The following EPB41L3 variants were observed in gnomAD, a reference collection of about 807,000 sequenced individuals.
EPB41L3 encodes the protein erythrocyte membrane protein band 4.1 like 3.
A neutral mutation model predicts 127.1 loss-of-function variants in EPB41L3; 57 were observed. That is an observed-to-expected ratio of 0.45 (90% CI 0.36 to 0.56). The LOEUF is 0.56. Ranked by LOEUF, EPB41L3 falls within the 20% of genes least tolerant of loss-of-function variation. The pLI, the probability that EPB41L3 is intolerant of heterozygous loss-of-function variation, is 0.00. For missense variants in EPB41L3, 1,273 were observed against 1,372.2 expected, an observed-to-expected ratio of 0.93 and a Z score of 1.14; for synonymous variants, 572 against 549.5, an observed-to-expected ratio of 1.04 and a Z score of -0.57.
At chr18:5,403,343 A>C (rs1221031413) in intron 16 of EPB41L3, among the ~76,000 whole-genome samples, 1 of 152,170 alleles carries the variant, frequency 6.6e-6, no homozygotes, top group African/African-American at 2.4e-5. Context: ...ATCGGCAATC[A>C]AATTTTCCAT....
chr18:5,472,690 C>A (rs1219367602), intron 3 of EPB41L3, among the ~76,000 whole-genome samples: 1 of 152,040 alleles, frequency 6.6e-6, no homozygotes, highest in Non-Finnish European at 1.5e-5. Flanking sequence ...TGGTCAAGCA[C>A]TTCTAAAGGG....
chr18:5,544,179 TCAGGA>T (rs754677099), upstream of EPB41L3: 206 of 985,420 alleles, frequency 2.1e-4, no homozygotes, highest in Non-Finnish European at 2.3e-4. Context: ...CCGCAGTACT[TCAGGA>T]CAGTTACATG....
intron 3 of EPB41L3, among the ~76,000 whole-genome samples, chr18:5,584,496 T>C (rs1045192184): frequency 9.2e-5 from 14 of 152,188 alleles, no homozygotes; most frequent in Non-Finnish European, 2.1e-4. Flanking sequence ...ACTTAAGTTT[T>C]CCCAACCTTT....
intron 1 of EPB41L3, among the ~76,000 whole-genome samples, chr18:5,499,829 G>GTGTGTGTA (rs563662904): frequency 1.6e-5 from 2 of 124,664 alleles, no homozygotes; most frequent in Non-Finnish European, 3.5e-5. Context: ...CTATGTGTGT[G>GTGTGTGTA]TATATATATA....
In EPB41L3 at chr18:5,489,143, T is replaced by C; in HGVS notation, c.41A>G (p.Asp14Gly). ...CGCCTCCTGGGGCTCGGCCTCCTGG[T>C]CCGGCTTGGATTCCGAGTCTGATCC... Reference protein sequence around the residue: ...ESGSDSESKPDQEAEPQEAAG... With the variant: ...ESGSDSESKPGQEAEPQEAAG... The change falls in exon 2 of 23, where the codon GAC becomes GGC. Residue 14 changes from aspartate to glycine, a missense_variant. Around this residue, in one of 3 missense-constraint regions of EPB41L3, gnomAD observed 182 missense variants for 149.2 expected, o/e 1.22. Coordinates refer to ENST00000341928, the MANE Select transcript of EPB41L3 (RefSeq NM_012307.5). 1 of 1,595,612 alleles carries C rather than the reference T, an allele frequency of 6.3e-7. No individual in the cohort carries two copies. The highest frequency in any genetic ancestry group is 2.3e-5 in the East Asian group (1 of 43,814).
intron 1 of EPB41L3, among the ~76,000 whole-genome samples, chr18:5,533,210 C>A (rs1041183830): frequency 6.6e-6 from 1 of 152,110 alleles, no homozygotes; most frequent in Non-Finnish European, 1.5e-5. Context: ...TGCCTCTTTG[C>A]GCCAAGACAC....
intron 3 of EPB41L3, among the ~76,000 whole-genome samples, chr18:5,556,493 G>C (rs12954752): frequency 0.58 from 87,486 of 151,990 alleles, 26,476 homozygotes; most frequent in Non-Finnish European, 0.67. Flanking sequence ...CAAGAGGCGG[G>C]AGAATGACTC....
At position 5,395,591 on chromosome 18, in the gene EPB41L3, G is replaced by T; in HGVS notation, c.3072+18C>A. On this transcript the variant is annotated intron_variant, in intron 20 of 22. Coordinates refer to ENST00000341928, the MANE Select transcript of EPB41L3 (RefSeq NM_012307.5). ...CTCGCTCTCAAGGAATCCTCTTCTC[G>T]GTTCTCACTCCACTTACTTTGGTGA... The T allele has an allele frequency of 6.2e-7, 1 of 1,608,886 alleles. No individual in the cohort carries two copies. The highest frequency in any genetic ancestry group is 8.5e-7 in the Non-Finnish European group (1 of 1,175,344).
At chr18:5,559,466 T>C (rs917516596) in intron 3 of EPB41L3, among the ~76,000 whole-genome samples, 1 of 152,166 alleles carries the variant, frequency 6.6e-6, no homozygotes, top group African/African-American at 2.4e-5. Context: ...CAGAGCGTCA[T>C]AGCAGCAATA....
intron 3 of EPB41L3, among the ~76,000 whole-genome samples, chr18:5,457,490 C>A (rs2146933634): frequency 6.6e-6 from 1 of 152,050 alleles, no homozygotes. Context: ...TTAGGGAGGT[C>A]ATCCCTGAGA....
chr18:5,523,546 C>G (rs1404647399), intron 1 of EPB41L3, among the ~76,000 whole-genome samples: 1 of 152,140 alleles, frequency 6.6e-6, no homozygotes, highest in Non-Finnish European at 1.5e-5. Context: ...CGCCTGTTAT[C>G]CCAGGACTTT....
At chr18:5,464,051 A>G (rs913506383) in intron 3 of EPB41L3, among the ~76,000 whole-genome samples, 1 of 151,950 alleles carries the variant, frequency 6.6e-6, no homozygotes, top group African/African-American at 2.4e-5. Flanking sequence ...ACTCCAGCTC[A>G]TTTCCTGCCC....
chr18:5,572,750 A>G (rs1344530094), intron 3 of EPB41L3, among the ~76,000 whole-genome samples: 2 of 151,926 alleles, frequency 1.3e-5, no homozygotes, highest in Non-Finnish European at 2.9e-5. Context: ...ATTTTTTAAA[A>G]TTTTGTAAAG....
At chr18:5,533,042 C>T (rs2093460474) in intron 1 of EPB41L3, among the ~76,000 whole-genome samples, 1 of 152,134 alleles carries the variant, frequency 6.6e-6, no homozygotes, top group Non-Finnish European at 1.5e-5. Flanking sequence ...TATGTATATT[C>T]ACCCTTTGTC....
chr18:5,594,820 A>C (rs1341646499), intron 3 of EPB41L3, among the ~76,000 whole-genome samples: 1 of 152,226 alleles, frequency 6.6e-6, no homozygotes, highest in Non-Finnish European at 1.5e-5. Context: ...GGAATTAAAC[A>C]ACCAGGACAT....
At position 5,395,668 on chromosome 18, in the gene EPB41L3, T is replaced by C; in HGVS notation, c.3013A>G (p.Ser1005Gly). The stretch of plus-strand genomic sequence containing the variant: ...GTTTCAGATGTGATCGTCTGTGCAC[T>C]CATCAGCACGCCTGGCTCCAGATCT... ...GTDLEPGVLM[S>G]AQTITSETTS... is the part of the protein sequence containing the mutation. Residue 1005 changes from serine (S) to glycine (G), a missense_variant, in exon 20 of 23, where the codon AGT becomes GGT. By Grantham distance (56) the Ser-to-Gly change is moderately conservative. This residue lies in a region of EPB41L3 where 765 missense variants were observed against 782.9 expected (regional missense o/e 0.98). Coordinates refer to ENST00000341928, the MANE Select transcript of EPB41L3 (RefSeq NM_012307.5). 1 of 1,614,186 alleles carries C rather than the reference T, an allele frequency of 6.2e-7. No individual in the cohort carries two copies. Among genetic ancestry groups the C allele is most frequent in the Non-Finnish European group, 8.5e-7 (1 of 1,180,026 alleles).
intron 3 of EPB41L3, among the ~76,000 whole-genome samples, chr18:5,571,781 C>T (rs1198140935): frequency 1.3e-5 from 2 of 152,018 alleles, no homozygotes; most frequent in African/African-American, 2.4e-5. Flanking sequence ...TCCACCCTTC[C>T]TCCATTCCCA....
chr18:5,611,536 T>C (rs1253977905), intron 3 of EPB41L3, among the ~76,000 whole-genome samples: 1 of 152,212 alleles, frequency 6.6e-6, no homozygotes, highest in Non-Finnish European at 1.5e-5. Context: ...GTTCTGGAGA[T>C]TAGTTGTAAA....
In EPB41L3 at chr18:5,416,239, T is replaced by G. The variant is rs1598654508; in HGVS notation, c.1646A>C (p.His549Pro). Reference protein sequence around the residue: ...LPGYEPSRAEHLPGEPALDSD... With the variant: ...LPGYEPSRAEPLPGEPALDSD... ...GTCCAAGGCGGGCTCTCCAGGCAGG[T>G]GCTCAGCTCTGGACGGCTCATAACC... is the stretch of plus-strand genomic sequence containing the variant. The change falls in exon 13 of 23, where the codon CAC becomes CCC. Residue 549 changes from histidine (H) to proline (P), a missense_variant. His to Pro is a moderately conservative substitution (Grantham distance 77). This residue lies in a region of EPB41L3 where 765 missense variants were observed against 782.9 expected (regional missense o/e 0.98). Transcript: ENST00000341928. 6.2e-7 allele frequency: 1 copy of G among 1,614,066 alleles called. No homozygotes were observed. Among genetic ancestry groups the G allele is most frequent in the African/African-American group, 1.3e-5 (1 of 74,982 alleles).
Sources: allele counts gnomAD v4.1 joint callset (sites outside exome capture counted in the v4.1 genomes callset), GRCh38; gene constraint gnomAD v4.1.1; regional missense constraint gnomAD v4.1.1; transcripts MANE v1.5; gene names NCBI Gene and HGNC (gene_info 2026-07-23, HGNC 2026-07-21).